COL25A1: variants seen among roughly 807,000 people sequenced by gnomAD.
COL25A1 encodes collagen type XXV alpha 1 chain, also known as collagen alpha-1(XXV) chain.
In COL25A1, 103 loss-of-function variants were observed where a neutral mutation model predicts 128.4. The ratio of observed to expected loss-of-function variants is 0.80; its 90% CI spans 0.68 to 0.94. The LOEUF (loss-of-function observed/expected upper bound fraction) is 0.94. Among genes scored for constraint, COL25A1 ranks in the 40% least tolerant of loss-of-function variants. The pLI is 0.00. For synonymous variants in COL25A1, 279 were observed against 277.2 expected (o/e 1.01, Z -0.06); for missense variants, 745 against 840.0 (o/e 0.89, Z 1.40).
At chr4:109,261,161 C>T (rs1282088627) in intron 3 of COL25A1, among the ~76,000 whole-genome samples, 1 of 152,144 alleles carries the variant, frequency 6.6e-6, no homozygotes, top group African/African-American at 2.4e-5. Flanking sequence ...GCATTCCTTA[C>T]ATTACACAGT....
intron 3 of COL25A1, among the ~76,000 whole-genome samples, chr4:109,078,683 A>C (rs1011485489): frequency 6.6e-6 from 1 of 152,242 alleles, no homozygotes; most frequent in African/African-American, 2.4e-5. Context: ...TTTCTAGGTG[A>C]AATGTTAAAA....
chr4:109,224,633 G>A (rs996685072), intron 3 of COL25A1, among the ~76,000 whole-genome samples: 7 of 152,048 alleles, frequency 4.6e-5, no homozygotes, highest in Admixed American at 3.3e-4. Context: ...TCAAGCTGCA[G>A]TGTACCTTAA....
intron 13 of COL25A1, among the ~76,000 whole-genome samples, chr4:108,911,696 T>C (rs544028798): frequency 6.6e-6 from 1 of 152,280 alleles, no homozygotes; most frequent in Non-Finnish European, 1.5e-5. Flanking sequence ...ATGTAATATG[T>C]CAGTATTTTT....
At chr4:109,215,185 C>T (rs541957169) in intron 3 of COL25A1, among the ~76,000 whole-genome samples, 2 of 152,244 alleles carry the variant, frequency 1.3e-5, no homozygotes, top group Non-Finnish European at 2.9e-5. Context: ...CAAGTTAGGT[C>T]ATTTTTTAGG....
At position 108,832,435 on chromosome 4, in the gene COL25A1, T is replaced by C. The variant is rs1733237790; in HGVS notation, c.1657-2A>G. The C allele has an allele frequency of 6.3e-7, 1 of 1,587,628 alleles. No homozygotes were observed. The highest frequency in any genetic ancestry group is 8.6e-7 in the Non-Finnish European group (1 of 1,163,264). On this transcript the variant is annotated splice_acceptor_variant, in intron 31 of 37. Transcript: ENST00000399132. LOFTEE classifies it high-confidence loss of function. Reference sequence around the variant, plus strand: ...GGGTCCCATAGGACCATCTGTACCCTAAAAAAAAGATAATATGAGATATAT... The same window carrying C: ...GGGTCCCATAGGACCATCTGTACCCCAAAAAAAAGATAATATGAGATATAT...
intron 8 of COL25A1, among the ~76,000 whole-genome samples, chr4:108,952,831 C>CTTTTTTTTTTTTTTTTTTTT: frequency 1.5e-5 from 1 of 66,958 alleles, no homozygotes; most frequent in Non-Finnish European, 2.7e-5. Context: ...AAAAACTCAA[C>CTTTTTTTTTTTTTTTTTTTT]TTTTTTTTTT....
intron 6 of COL25A1, among the ~76,000 whole-genome samples, chr4:108,996,190 C>T (rs971058453): frequency 6.7e-6 from 1 of 150,106 alleles, no homozygotes; most frequent in Non-Finnish European, 1.5e-5. Context: ...GATAAAGAGT[C>T]AGGACCCATC....
At chr4:108,842,533 C>G (rs1485061029) in intron 30 of COL25A1, among the ~76,000 whole-genome samples, 1 of 152,100 alleles carries the variant, frequency 6.6e-6, no homozygotes, top group Non-Finnish European at 1.5e-5. Context: ...AAATATCCAT[C>G]AGTAAAATTA....
intron 3 of COL25A1, among the ~76,000 whole-genome samples, chr4:109,200,935 T>C (rs1224922271): frequency 6.6e-6 from 1 of 152,166 alleles, no homozygotes; most frequent in African/African-American, 2.4e-5. Flanking sequence ...CTATCCTAAA[T>C]TTGTTTCCTG....
chr4:108,873,622 T>C (rs1739072012), intron 19 of COL25A1, among the ~76,000 whole-genome samples: 1 of 151,936 alleles, frequency 6.6e-6, no homozygotes, highest in African/African-American at 2.4e-5. Flanking sequence ...TGCAACCTAA[T>C]TGGTAATATA....
chr4:109,013,308 C>T (rs950712877), intron 5 of COL25A1, among the ~76,000 whole-genome samples: 2 of 127,954 alleles, frequency 1.6e-5, no homozygotes, highest in African/African-American at 6.7e-5. Flanking sequence ...GTAAATACAC[C>T]AATCAGCACT....
chr4:109,138,255 TGTTA>T (rs1450765158), intron 3 of COL25A1, among the ~76,000 whole-genome samples: 1 of 152,156 alleles, frequency 6.6e-6, no homozygotes, highest in African/African-American at 2.4e-5. Flanking sequence ...TTTGTTCCTG[TGTTA>T]GTTTGCTGAG....
chr4:109,229,509 TCA>T lies in COL25A1; in HGVS notation c.367+71072_367+71073del, dbSNP rs770783247. On this transcript the variant is annotated intron_variant, in intron 3 of 37. Transcript: ENST00000399132. ...AACTCATGCTTGAACAAAGCCTACC[TCA>T]CACACACAAGTTCTCCATAAGACAC... is the stretch of plus-strand genomic sequence containing the variant. Among the ~76,000 whole-genome samples the T allele has an allele frequency of 2.0e-5, 3 of 152,276 alleles. No homozygotes were observed. The South Asian group carries it at 6.2e-4, about 32-fold the overall frequency.
At position 109,302,047 on chromosome 4, in the gene COL25A1, G is replaced by T; in HGVS notation, c.-28C>A. ...TGGCGGGGTCGGCCGTCTCGGCTTC[G>T]CTTCCCACCCTCTACACCTCAAATA... On this transcript the variant is annotated 5_prime_UTR_variant, in exon 2 of 38. Transcript: ENST00000399132. 6.4e-7 allele frequency: 1 copy of T among 1,559,532 alleles called. No homozygotes were observed. Among genetic ancestry groups the T allele is most frequent in the South Asian group, 1.2e-5 (1 of 83,960 alleles).
chr4:108,808,986 G>A lies in COL25A1; in HGVS notation c.*4941C>T, dbSNP rs918778667. On this transcript the variant is annotated 3_prime_UTR_variant, in exon 38 of 38. Coordinates refer to ENST00000399132, the MANE Select transcript of COL25A1 (RefSeq NM_198721.4). ...CTTATGCATCTTTTGATACAGTAATGTCAGCTGGAGAAATTACAAGGAAAT... is the reference window on the plus strand; with the variant it reads ...CTTATGCATCTTTTGATACAGTAATATCAGCTGGAGAAATTACAAGGAAAT... The A allele has an allele frequency of 6.6e-6, 1 of 152,114 alleles. No individual in the cohort carries two copies. Among genetic ancestry groups the A allele is most frequent in the Non-Finnish European group, 1.5e-5 (1 of 68,012 alleles). The allele number at this position is 152,114 out of a possible 1,614,324, so 9.4% of individuals were successfully genotyped here. A position where few individuals can be genotyped will look rare whatever the true frequency, so the allele number is the denominator to read the frequency against.
intron 3 of COL25A1, among the ~76,000 whole-genome samples, chr4:109,250,762 C>CA (rs1780591991): frequency 6.6e-6 from 1 of 152,296 alleles, no homozygotes; most frequent in South Asian, 2.1e-4. Flanking sequence ...AGCAGCTTCA[C>CA]AAACACACCC....
At chr4:108,851,756 TA>T (rs1428776300) in intron 26 of COL25A1, among the ~76,000 whole-genome samples, 5 of 152,172 alleles carry the variant, frequency 3.3e-5, no homozygotes, top group Non-Finnish European at 5.9e-5. Flanking sequence ...AAGTATATAA[TA>T]AAGAATGCAT....
intron 3 of COL25A1, among the ~76,000 whole-genome samples, chr4:109,275,867 G>A (rs1327031884): frequency 6.6e-6 from 1 of 152,128 alleles, no homozygotes; most frequent in East Asian, 1.9e-4. Flanking sequence ...ATGGCAAGAG[G>A]CCTTCTACAG....
intron 16 of COL25A1, 135 bp downstream of exon 16, chr4:108,896,532 A>G: frequency 1.6e-6 from 1 of 616,464 alleles, no homozygotes; most frequent in East Asian, 2.7e-5. Context: ...AATGTTTTCT[A>G]ATCTTGGAGA....
Sources: gnomAD v4.1 joint callset for allele counts (sites outside exome capture counted in the v4.1 genomes callset) on GRCh38, gnomAD v4.1.1 for gene constraint, MANE v1.5 for transcripts, NCBI Gene and HGNC (gene_info 2026-07-23, HGNC 2026-07-21) for gene names.